The following PLCB1 variants were observed in gnomAD, a reference collection of about 807,000 sequenced individuals.
The protein encoded by PLCB1 is 1-phosphatidylinositol 4,5-bisphosphate phosphodiesterase beta-1.
Under a neutral mutation model 161.8 loss-of-function variants are expected in PLCB1, and 46 were observed. The observed-to-expected ratio is 0.28, with a 90% CI of 0.22 to 0.36. PLCB1 has a LOEUF of 0.36. Among genes scored for constraint, PLCB1 ranks in the 10% least tolerant of loss-of-function variants. PLCB1 has a pLI of 1.00. For missense variants in PLCB1, 1,016 were observed against 1,472.5 expected, an observed-to-expected ratio of 0.69 and a Z score of 5.07; for synonymous variants, 517 against 503.7, an observed-to-expected ratio of 1.03 and a Z score of -0.35.
At chr20:8,534,585 A>G (rs780763089) in intron 3 of PLCB1, among the ~76,000 whole-genome samples, 2 of 151,108 alleles carry the variant, frequency 1.3e-5, no homozygotes, top group African/African-American at 4.9e-5. Context: ...CTGGAGTGAA[A>G]CAACGGGGGC....
chr20:8,609,754 C>T (rs1052743109), intron 3 of PLCB1, among the ~76,000 whole-genome samples: 90 of 152,136 alleles, frequency 5.9e-4, no homozygotes, highest in African/African-American at 2.1e-3. Flanking sequence ...AGCAATCCTC[C>T]TGCCTCGGCC....
At chr20:8,150,207 G>A (rs949325091) in intron 1 of PLCB1, 87 bp from the exon 2 acceptor site, 13 of 553,290 alleles carry the variant, frequency 2.3e-5, no homozygotes, top group African/African-American at 5.8e-5. Flanking sequence ...TGGAGAATCT[G>A]TACAATTATT....
chr20:8,504,572 C>A (rs1346406716), intron 3 of PLCB1, among the ~76,000 whole-genome samples: 1 of 151,956 alleles, frequency 6.6e-6, no homozygotes, highest in African/African-American at 2.4e-5. Context: ...ATGCTTTAAC[C>A]CCCTGCCCCA....
intron 3 of PLCB1, among the ~76,000 whole-genome samples, chr20:8,461,457 G>A (rs1981574485): frequency 6.6e-6 from 1 of 151,992 alleles, no homozygotes; most frequent in Non-Finnish European, 1.5e-5. Flanking sequence ...CATGATTATG[G>A]TAATGTAATA....
rs115680659 is a variant in PLCB1, at chr20:8,336,120, G to A, written c.178-35262G>A. ...TCTCTGAGGAAGAATTCCTAAAACT[G>A]ATCTTGAATTCTGCGGTCAACAGAA... is the stretch of plus-strand genomic sequence containing the variant. On this transcript the variant is annotated intron_variant, in intron 2 of 31. Coordinates refer to ENST00000338037, the MANE Select transcript of PLCB1 (RefSeq NM_015192.4). Among the ~76,000 whole-genome samples the A allele has an allele frequency of 7.0e-3, 1,068 of 152,244 alleles. 6 individuals carry two copies. Among genetic ancestry groups the A allele is most frequent in the African/African-American group, 0.024 (995 of 41,534 alleles).
At chr20:8,215,709 A>G (rs1396232934) in intron 2 of PLCB1, among the ~76,000 whole-genome samples, 2 of 152,056 alleles carry the variant, frequency 1.3e-5, no homozygotes, top group Non-Finnish European at 2.9e-5. Context: ...TGTTTTGGTT[A>G]TACAGACCAA....
chr20:8,637,112 C>T (rs1385991340), intron 4 of PLCB1, among the ~76,000 whole-genome samples: 4 of 151,716 alleles, frequency 2.6e-5, no homozygotes, highest in African/African-American at 4.8e-5. Context: ...TTAAATTTCT[C>T]CCTCCACATA....
intron 2 of PLCB1, among the ~76,000 whole-genome samples, chr20:8,334,758 G>A (rs997879426): frequency 1.3e-5 from 2 of 152,188 alleles, no homozygotes; most frequent in African/African-American, 2.4e-5. Context: ...TCTTTCTTCT[G>A]TGGTCATTCT....
intron 13 of PLCB1, among the ~76,000 whole-genome samples, chr20:8,716,911 G>A (rs1007013730): frequency 4.3e-4 from 65 of 152,304 alleles, no homozygotes; most frequent in African/African-American, 1.3e-3. Context: ...ATTTGTAAGT[G>A]AGTTTATACC....
intron 2 of PLCB1, among the ~76,000 whole-genome samples, chr20:8,310,026 C>G (rs955212658): frequency 6.8e-6 from 1 of 146,624 alleles, no homozygotes; most frequent in African/African-American, 2.5e-5. Flanking sequence ...TTAGTGTTTT[C>G]TTTTTTTTTT....
chr20:8,655,781 C>T (rs894482945), intron 7 of PLCB1, among the ~76,000 whole-genome samples: 6 of 152,116 alleles, frequency 3.9e-5, no homozygotes, highest in East Asian at 1.9e-4. Flanking sequence ...TGAGCATGTT[C>T]TTGCAATTGA....
intron 2 of PLCB1, among the ~76,000 whole-genome samples, chr20:8,369,695 A>G (rs1986841084): frequency 6.6e-6 from 1 of 152,178 alleles, no homozygotes; most frequent in Non-Finnish European, 1.5e-5. Context: ...GAGAATTTCC[A>G]CAGGGTCAGA....
intron 2 of PLCB1, among the ~76,000 whole-genome samples, chr20:8,351,198 T>C (rs1986165985): frequency 6.6e-6 from 1 of 152,106 alleles, no homozygotes; most frequent in Non-Finnish European, 1.5e-5. Flanking sequence ...CAGATAAGTA[T>C]AGTAAACTGA....
intron 3 of PLCB1, among the ~76,000 whole-genome samples, chr20:8,446,552 T>C (rs983205892): frequency 2.0e-5 from 3 of 152,204 alleles, no homozygotes; most frequent in Non-Finnish European, 4.4e-5. Context: ...TTGGAAGTTC[T>C]GGCCAGGGCT....
At chr20:8,595,589 G>A (rs1369350278) in intron 3 of PLCB1, among the ~76,000 whole-genome samples, 3 of 147,068 alleles carry the variant, frequency 2.0e-5, no homozygotes, top group Non-Finnish European at 4.5e-5. Flanking sequence ...ATAGCAGCAT[G>A]ATTTATAGTC....
At chr20:8,169,111 G>A (rs1465642603) in intron 2 of PLCB1, among the ~76,000 whole-genome samples, 4 of 152,118 alleles carry the variant, frequency 2.6e-5, no homozygotes, top group Admixed American at 1.3e-4. Flanking sequence ...GGTCAACAGG[G>A]CATGCGGTGA....
chr20:8,771,670 TAAAAC>T (rs1344548995), intron 26 of PLCB1, among the ~76,000 whole-genome samples: 1 of 152,120 alleles, frequency 6.6e-6, no homozygotes, highest in South Asian at 2.1e-4. Context: ...TGTTGTCCTT[TAAAAC>T]AAAACAAAAC....
At chr20:8,536,948 A>G (rs538056343) in intron 3 of PLCB1, among the ~76,000 whole-genome samples, 2 of 152,316 alleles carry the variant, frequency 1.3e-5, no homozygotes, top group African/African-American at 4.8e-5. Context: ...GTAGGGAGGG[A>G]TATGCAATAT....
chr20:8,674,688 C>G (rs1426306281), intron 9 of PLCB1, among the ~76,000 whole-genome samples: 1 of 152,162 alleles, frequency 6.6e-6, no homozygotes, highest in East Asian at 1.9e-4. Context: ...GAGCTTCTCT[C>G]TTCAGGACAT....
Sources: gnomAD v4.1 joint callset for allele counts (sites outside exome capture counted in the v4.1 genomes callset) on GRCh38, gnomAD v4.1.1 for gene constraint, MANE v1.5 for transcripts, NCBI Gene and HGNC (gene_info 2026-07-23, HGNC 2026-07-21) for gene names.